The following SAMD8 variants were observed in gnomAD, a reference collection of about 807,000 sequenced individuals.
The protein encoded by SAMD8 is sphingomyelin synthase-related protein 1.
Under a neutral mutation model 42.0 loss-of-function variants are expected in SAMD8, and 20 were observed. The ratio of observed to expected loss-of-function variants is 0.48; its 90% CI spans 0.34 to 0.69. SAMD8 has a LOEUF of 0.69. SAMD8 is among the 30% of genes least tolerant of loss of function. SAMD8 has a pLI of 0.01. For synonymous variants in SAMD8, 162 were observed against 173.0 expected (o/e 0.94, Z 0.50); for missense variants, 328 against 511.6 (o/e 0.64, Z 3.46).
chr10:75,166,282 GT>G (rs2132202259), intron 3 of SAMD8, among the ~76,000 whole-genome samples: 1 of 151,618 alleles, frequency 6.6e-6, no homozygotes, highest in East Asian at 1.9e-4. Flanking sequence ...GTGGATTTAA[GT>G]AAAAAACAAG....
upstream of SAMD8, chr10:75,109,139 G>T (rs781034607): frequency 1.9e-6 from 3 of 1,600,646 alleles, no homozygotes; most frequent in East Asian, 6.9e-5. Flanking sequence ...CCCAGCTCTG[G>T]GAGAGAGGTC....
intron 1 of SAMD8, among the ~76,000 whole-genome samples, chr10:75,134,964 G>A (rs1270661921): frequency 6.6e-6 from 1 of 152,096 alleles, no homozygotes; most frequent in Non-Finnish European, 1.5e-5. Context: ...AGGAGGCTGA[G>A]GTGGGAGGAT....
intron 1 of SAMD8, among the ~76,000 whole-genome samples, chr10:75,116,255 C>T (rs1293811970): frequency 1.3e-5 from 2 of 152,004 alleles, no homozygotes; most frequent in African/African-American, 4.8e-5. Flanking sequence ...TGTGCCACCA[C>T]ACCTGGCTAA....
At chr10:75,105,060 G>C (rs1396441120) in intron 1 of SAMD8, among the ~76,000 whole-genome samples, 1 of 152,194 alleles carries the variant, frequency 6.6e-6, no homozygotes, top group Non-Finnish European at 1.5e-5. Flanking sequence ...GGCGAGACAG[G>C]CAAGGAGTTG....
intron 1 of SAMD8, among the ~76,000 whole-genome samples, chr10:75,106,384 G>A (rs1370774973): frequency 6.6e-6 from 1 of 151,954 alleles, no homozygotes; most frequent in Non-Finnish European, 1.5e-5. Flanking sequence ...CTTACCACAT[G>A]CTATTCCAAA....
chr10:75,141,188 T>C (rs937620007), intron 1 of SAMD8, among the ~76,000 whole-genome samples: 5 of 151,854 alleles, frequency 3.3e-5, no homozygotes, highest in African/African-American at 1.2e-4. Context: ...ACCAAAAATA[T>C]TAAAAATTAG....
At chr10:75,170,980 C>T (rs1463594661) in intron 4 of SAMD8, among the ~76,000 whole-genome samples, 2 of 150,900 alleles carry the variant, frequency 1.3e-5, no homozygotes, top group Non-Finnish European at 3.0e-5. Context: ...AGGCTGGTCT[C>T]GAACTCCTGA....
intron 1 of SAMD8, among the ~76,000 whole-genome samples, chr10:75,123,970 C>T (rs1589937653): frequency 6.6e-6 from 1 of 152,256 alleles, no homozygotes; most frequent in East Asian, 1.9e-4. Flanking sequence ...TCCAGCGATC[C>T]GCCTGCCTCA....
At chr10:75,119,993 G>A (rs1848968153) in intron 1 of SAMD8, among the ~76,000 whole-genome samples, 1 of 152,184 alleles carries the variant, frequency 6.6e-6, no homozygotes, top group African/African-American at 2.4e-5. Context: ...GGTTTAACCT[G>A]GGAGGTGGAG....
intron 3 of SAMD8, 147 bp from the exon 4 acceptor site, chr10:75,168,394 G>A: frequency 2.0e-6 from 3 of 1,472,094 alleles, no homozygotes; most frequent in Non-Finnish European, 2.7e-6. Flanking sequence ...GGACAACGAT[G>A]CTTTTGATGG....
At chr10:75,113,904 A>G (rs1848823238) in intron 1 of SAMD8, among the ~76,000 whole-genome samples, 1 of 152,240 alleles carries the variant, frequency 6.6e-6, no homozygotes, top group South Asian at 2.1e-4. Flanking sequence ...TAAGAACTCT[A>G]TTAAGATTAC....
intron 1 of SAMD8, among the ~76,000 whole-genome samples, chr10:75,130,106 A>G (rs777834231): frequency 9.9e-5 from 15 of 152,162 alleles, no homozygotes; most frequent in Non-Finnish European, 1.6e-4. Flanking sequence ...TAGAAGATGA[A>G]TAACAACTGG....
chr10:75,155,553 C>T (rs182292169), intron 2 of SAMD8, among the ~76,000 whole-genome samples: 3 of 152,048 alleles, frequency 2.0e-5, no homozygotes, highest in Non-Finnish European at 4.4e-5. Context: ...TGACCATTGG[C>T]TTTAGCAACA....
At chr10:75,155,483 A>G (rs1840390926) in intron 2 of SAMD8, among the ~76,000 whole-genome samples, 1 of 152,160 alleles carries the variant, frequency 6.6e-6, no homozygotes, top group Non-Finnish European at 1.5e-5. Flanking sequence ...TATTTTAAGA[A>G]GTTTAGGAAC....
At chr10:75,103,994 A>T in intron 1 of SAMD8, 1 of 1,354,116 alleles carries the variant, frequency 7.4e-7, no homozygotes, top group Non-Finnish European at 9.8e-7. Flanking sequence ...GGCTTCCACC[A>T]TCTTCTGTGT....
chr10:75,108,121 C>T (rs200260267), upstream of SAMD8: 138 of 1,613,736 alleles, frequency 8.6e-5, no homozygotes, highest in African/African-American at 1.5e-3. Context: ...AAGTCAGGGC[C>T]GCCCTGACAG....
rs1424209674 is a variant in SAMD8, at chr10:75,116,385, TGTGA to T, written c.-16+4667_-16+4670del. Reference sequence around the variant, plus strand: ...CCTCCCAAAGTGCTAGGATTACAGGTGTGAGTGTCTTAAATTTTTGAAGTGCATT... The same window carrying T: ...CCTCCCAAAGTGCTAGGATTACAGGTGTGTCTTAAATTTTTGAAGTGCATT... On this transcript the variant is annotated intron_variant, in intron 1 of 5. Transcript: ENST00000542569. Among the ~76,000 whole-genome samples the T allele has an allele frequency of 9.5e-4, 144 of 151,934 alleles. 1 individual carries two copies. Among genetic ancestry groups the T allele is most frequent in the Middle Eastern group, 6.8e-3 (2 of 294 alleles).
At chr10:75,124,669 ATACTG>A (rs200397893) in intron 1 of SAMD8, among the ~76,000 whole-genome samples, 2,457 of 151,762 alleles carry the variant, frequency 0.016, 26 homozygotes, top group Middle Eastern at 0.034. Flanking sequence ...AACGGTACAC[ATACTG>A]AAGAGTAGCT....
At chr10:75,122,702 G>A (rs892857470) in intron 1 of SAMD8, among the ~76,000 whole-genome samples, 5 of 152,028 alleles carry the variant, frequency 3.3e-5, no homozygotes, top group Non-Finnish European at 5.9e-5. Flanking sequence ...GACAGGAATG[G>A]ATGCTTGAGC....
Sources: allele counts gnomAD v4.1 joint callset (sites outside exome capture counted in the v4.1 genomes callset), GRCh38; gene constraint gnomAD v4.1.1; transcripts MANE v1.5; gene names NCBI Gene and HGNC (gene_info 2026-07-23, HGNC 2026-07-21).